The following CCDC185 variants were observed in gnomAD, a reference collection of about 807,000 sequenced individuals.
CCDC185 encodes the protein coiled-coil domain containing 185.
For synonymous variants in CCDC185, 381 were observed against 348.1 expected (o/e 1.09, Z -1.05); for missense variants, 982 against 825.3 (o/e 1.19, Z -2.33).
In CCDC185 at chr1:223,395,410, T is replaced by C; in HGVS notation, c.*63T>C. On this transcript the variant is annotated 3_prime_UTR_variant, in exon 1 of 1. Coordinates refer to ENST00000366875, the MANE Select transcript of CCDC185 (RefSeq NM_152610.3). ...GGAGATGTGGCAATGTGATTCCTTTTGTAATCTGATTATAATTGAACATTG... is the reference window on the plus strand; with the variant it reads ...GGAGATGTGGCAATGTGATTCCTTTCGTAATCTGATTATAATTGAACATTG... The C allele has an allele frequency of 7.1e-7, 1 of 1,410,402 alleles. No homozygotes were observed. 87.4% of individuals were successfully genotyped at this position (1,410,402 alleles called of 1,614,324 possible).
Position 223,393,931 on chromosome 1 carries a change from A to T in CCDC185, c.456A>T (p.Gly152=). ...ACTCGCCCCCGCCTTGCCCCGGAGG[A>T]GCTGGCACTCCCCTGAGTGGCACAT... ...QGDSPPPCPG[G]AGTPLSGTFR... is the part of the protein sequence containing the mutation. Residue 152 remains glycine (G), a synonymous_variant, in exon 1 of 1, where the codon GGA becomes GGT. Transcript: ENST00000366875. This position sits in a 1 kb window ranked among gnomAD's most constrained non-coding sequence, Gnocchi z 4.8. 1.9e-6 allele frequency: 3 copies of T among 1,613,136 alleles called. No homozygotes were observed.
rs753075144 is a variant in CCDC185 at position 223,393,827 on chromosome 1, C to T, written c.352C>T (p.Arg118Cys). 8.8e-6 allele frequency: 14 copies of T among 1,594,102 alleles called. No homozygotes were observed. Among genetic ancestry groups the T allele is most frequent in the African/African-American group, 1.3e-5 (1 of 74,692 alleles). ...DAWGETGTKP[R>C]PAWQPQTQLP... ...CTGGGGAGAGACAGGAACCAAGCCC[C>T]GCCCGGCTTGGCAGCCGCAGACCCA... is the stretch of plus-strand genomic sequence containing the variant. Residue 118 changes from arginine to cysteine, a missense_variant, in exon 1 of 1, where the codon CGC becomes TGC. Transcript: ENST00000366875. The surrounding 1 kb of genome is among the most constrained non-coding windows in gnomAD (Gnocchi z 4.8).
Position 223,395,129 on chromosome 1 carries a change from A to G in CCDC185, c.1654A>G (p.Lys552Glu), listed in dbSNP as rs753188010. ...CCACATCCTGAAACTGAAAGCCGAG[A>G]AGGAGGAAAAGTGTCACATTGAGGG... ...NHHILKLKAEKEEKCHIEGIK... is the reference protein window; with the variant it reads ...NHHILKLKAEEEEKCHIEGIK... The change falls in exon 1 of 1, where the codon AAG becomes GAG. Residue 552 changes from lysine to glutamate, a missense_variant. Physicochemically the swap from Lys to Glu is moderately conservative, Grantham distance 56 (BLOSUM62 1). Transcript: ENST00000366875. The G allele has an allele frequency of 6.2e-7, 1 of 1,614,148 alleles. No homozygotes were observed. The highest frequency in any genetic ancestry group is 8.5e-7 in the Non-Finnish European group (1 of 1,180,018).
chr1:223,395,043 A>G lies in CCDC185; in HGVS notation c.1568A>G (p.Lys523Arg). The change falls in exon 1 of 1, where the codon AAG becomes AGG. Residue 523 changes from lysine (K) to arginine (R), a missense_variant. By Grantham distance (26) the Lys-to-Arg change is conservative. Transcript: ENST00000366875. ...CGACAGGCCAGGAGTCACGTGCACAAGACCACTAGGGACAAGGTGCAGCAC... is the reference window on the plus strand; with the variant it reads ...CGACAGGCCAGGAGTCACGTGCACAGGACCACTAGGGACAAGGTGCAGCAC... ...KIRQARSHVHKTTRDKVQHLR... is the reference protein window; with the variant it reads ...KIRQARSHVHRTTRDKVQHLR... 1 of 1,614,022 alleles carries G rather than the reference A, an allele frequency of 6.2e-7. No homozygotes were observed.
Sources: allele counts gnomAD v4.1 joint callset, GRCh38; gene constraint gnomAD v4.1.1; non-coding constraint Gnocchi (gnomAD v3.1); transcripts MANE v1.5; gene names NCBI Gene and HGNC (gene_info 2026-07-23, HGNC 2026-07-21).